Variants in PHYH observed in about 807,000 individuals in gnomAD.
PHYH encodes phytanoyl-CoA 2-hydroxylase, also known as phytanoyl-CoA dioxygenase, peroxisomal.
In PHYH, 32 loss-of-function variants were observed where a neutral mutation model predicts 38.5. The observed-to-expected ratio is 0.83, with a 90% CI of 0.63 to 1.12. PHYH has a LOEUF of 1.12. Among genes scored for constraint, PHYH ranks in the 50% most tolerant of loss-of-function variants. The pLI, the probability that PHYH is intolerant of heterozygous loss-of-function variation, is 0.00. For synonymous variants in PHYH, 166 were observed against 157.9 expected (o/e 1.05, Z -0.38); for missense variants, 426 against 434.8 (o/e 0.98, Z 0.18).
At chr10:13,280,652 G>A (rs908945644) in intron 8 of PHYH, among the ~76,000 whole-genome samples, 4 of 152,108 alleles carry the variant, frequency 2.6e-5, no homozygotes, top group Admixed American at 6.6e-5. Flanking sequence ...CAGCCAGAAG[G>A]CAAGGTTTTG....
intron 1 of PHYH, chr10:13,299,719 G>A: frequency 7.7e-7 from 1 of 1,298,168 alleles, no homozygotes; most frequent in Non-Finnish European, 9.7e-7. Flanking sequence ...CAGGGATCCC[G>A]GAGGGCAGGG....
intron 2 of PHYH, 130 bp from the exon 3 acceptor site, chr10:13,295,736 G>C: frequency 1.6e-6 from 1 of 643,056 alleles, no homozygotes; most frequent in Non-Finnish European, 2.8e-6. Context: ...AGGAGTTTGA[G>C]ACTAGCCCAG....
At chr10:13,285,754 G>A (rs547836411) in intron 6 of PHYH, among the ~76,000 whole-genome samples, 12 of 151,744 alleles carry the variant, frequency 7.9e-5, no homozygotes, top group South Asian at 6.3e-4. Flanking sequence ...ACAGGCGCAC[G>A]CCACCACACC....
At chr10:13,283,601 T>C in intron 7 of PHYH, 89 bp downstream of exon 7, 2 of 1,340,496 alleles carry the variant, frequency 1.5e-6, no homozygotes, top group Non-Finnish European at 2.1e-6. Context: ...ATTAAAATTT[T>C]ATTCAATTAA....
intron 5 of PHYH, among the ~76,000 whole-genome samples, chr10:13,290,574 A>T (rs1444458776): frequency 1.3e-5 from 2 of 152,098 alleles, no homozygotes; most frequent in Non-Finnish European, 2.9e-5. Flanking sequence ...GGCACAGAGG[A>T]ATTTCCCAGT....
chr10:13,298,949 T>C (rs1239274497), intron 1 of PHYH, among the ~76,000 whole-genome samples: 1 of 146,470 alleles, frequency 6.8e-6, no homozygotes, highest in Non-Finnish European at 1.5e-5. Flanking sequence ...ATAATAATAA[T>C]AATAATAATA....
chr10:13,291,227 A>G (rs1835703383), intron 5 of PHYH, among the ~76,000 whole-genome samples: 1 of 152,196 alleles, frequency 6.6e-6, no homozygotes, highest in Non-Finnish European at 1.5e-5. Flanking sequence ...ATCACAGCTA[A>G]AAAGAGCTGA....
At chr10:13,288,997 C>G (rs934803452) in intron 5 of PHYH, among the ~76,000 whole-genome samples, 7 of 151,138 alleles carry the variant, frequency 4.6e-5, no homozygotes, top group Admixed American at 1.3e-4. Flanking sequence ...ATGACCTGTC[C>G]CCAGAAGAAC....
Position 13,299,965 on chromosome 10 carries a change from T to C in PHYH, c.75+3A>G. On this transcript the variant is annotated splice_donor_region_variant and intron_variant, in intron 1 of 8. Coordinates refer to ENST00000263038, the MANE Select transcript of PHYH (RefSeq NM_006214.4). ...CCCGAGCCCCGCGCAGCCCAAAGGA[T>C]ACGACAGCCCCGGCCGAGGGGCGGC... The C allele has an allele frequency of 6.5e-7, 1 of 1,528,968 alleles. No homozygotes were observed. The highest frequency in any genetic ancestry group is 8.7e-7 in the Non-Finnish European group (1 of 1,143,338). The allele number at this position is 1,528,968 out of a possible 1,614,324, so 94.7% of individuals were successfully genotyped here. A position where few individuals can be genotyped will look rare whatever the true frequency, so the allele number is the denominator to read the frequency against.
At chr10:13,280,823 A>G (rs189338530) in intron 8 of PHYH, among the ~76,000 whole-genome samples, 153 bp downstream of exon 8, 4 of 152,294 alleles carry the variant, frequency 2.6e-5, no homozygotes, top group Non-Finnish European at 5.9e-5. Context: ...TGGAAATTCC[A>G]TTGTCATTTT....
At chr10:13,298,078 G>T in intron 2 of PHYH, 109 bp downstream of exon 2, 2 of 740,292 alleles carry the variant, frequency 2.7e-6, no homozygotes, top group Non-Finnish European at 4.7e-6. Context: ...CAGAGGATTT[G>T]TATAATAAAA....
chr10:13,287,432 A>T (rs894327851), intron 6 of PHYH, among the ~76,000 whole-genome samples: 3 of 152,102 alleles, frequency 2.0e-5, no homozygotes, highest in African/African-American at 7.2e-5. Flanking sequence ...CCCCAAATAA[A>T]CTGCAGACTT....
At chr10:13,279,086 C>T (rs893836336) in intron 8 of PHYH, among the ~76,000 whole-genome samples, 1 of 151,974 alleles carries the variant, frequency 6.6e-6, no homozygotes, top group Non-Finnish European at 1.5e-5. Context: ...GCAACCTCTG[C>T]CTCCTGGGTT....
chr10:13,292,483 C>T (rs912570543), intron 4 of PHYH, among the ~76,000 whole-genome samples: 6 of 152,172 alleles, frequency 3.9e-5, no homozygotes, highest in African/African-American at 1.4e-4. Context: ...CCAGTAATGA[C>T]ATGGGTCAGA....
chr10:13,283,725 C>T lies in PHYH; in HGVS notation c.793G>A (p.Gly265Arg), dbSNP rs978055214. The T allele has an allele frequency of 4.3e-6, 7 of 1,613,950 alleles. No individual in the cohort carries two copies. In the African/African-American group the frequency reaches 5.3e-5, roughly 12 times the overall value. Residue 265 changes from glycine to arginine, a missense_variant, in exon 7 of 9, where the codon GGA becomes AGA. By Grantham distance (125) the Gly-to-Arg change is moderately radical. Coordinates refer to ENST00000263038, the MANE Select transcript of PHYH (RefSeq NM_006214.4). Reference sequence around the variant, plus strand: ...CCCTGGGTTTTATTCTGACCAGATCCGTGGATGAGCAAAGGATGGAAGAAA... The same window carrying T: ...CCCTGGGTTTTATTCTGACCAGATCTGTGGATGAGCAAAGGATGGAAGAAA... Reference protein sequence around the residue: ...TVFFHPLLIHGSGQNKTQGFR... With the variant: ...TVFFHPLLIHRSGQNKTQGFR...
At chr10:13,298,403 CTA>C (rs1832634560) in intron 1 of PHYH, among the ~76,000 whole-genome samples, 158 bp from the exon 2 acceptor site, 1 of 151,956 alleles carries the variant, frequency 6.6e-6, no homozygotes, top group South Asian at 2.1e-4. Context: ...CCCATCTCTA[CTA>C]AAAATACAAA....
rs369497251 is a variant in PHYH at position 13,281,125 on chromosome 10, C to T, written c.829-15G>A. ...CAGGAAATTGCCTGTGCAAAGTGAA[C>T]AAATTGATATTGGAGAAAAACATCC... is the stretch of plus-strand genomic sequence containing the variant. On this transcript the variant is annotated splice_polypyrimidine_tract_variant and intron_variant, in intron 7 of 8. Coordinates refer to ENST00000263038, the MANE Select transcript of PHYH (RefSeq NM_006214.4). The T allele has an allele frequency of 8.7e-6, 14 of 1,613,854 alleles. No homozygotes were observed. The African/African-American group carries it at 1.6e-4, about 18-fold the overall frequency.
At chr10:13,294,982 A>C in intron 3 of PHYH, 1 of 329,694 alleles carries the variant, frequency 3.0e-6, no homozygotes, top group East Asian at 8.3e-5. Context: ...CATTTTACAG[A>C]TGAGGAAACA....
intron 6 of PHYH, among the ~76,000 whole-genome samples, chr10:13,284,534 TCTC>T (rs897852221): frequency 2.0e-5 from 3 of 152,088 alleles, no homozygotes; most frequent in Non-Finnish European, 4.4e-5. Context: ...CCCAGTGTGT[TCTC>T]CTCCTCGCCC....
Sources: allele counts gnomAD v4.1 joint callset (sites outside exome capture counted in the v4.1 genomes callset), GRCh38; gene constraint gnomAD v4.1.1; transcripts MANE v1.5; gene names NCBI Gene and HGNC (gene_info 2026-07-23, HGNC 2026-07-21).